The following ST8SIA1 variants were observed in gnomAD, a reference collection of about 807,000 sequenced individuals.
ST8SIA1 encodes ST8 alpha-N-acetyl-neuraminide alpha-2,8-sialyltransferase 1, also known as alpha-N-acetylneuraminide alpha-2,8-sialyltransferase.
Under a neutral mutation model 35.9 loss-of-function variants are expected in ST8SIA1, and 16 were observed. The observed-to-expected ratio is 0.45, with a 90% confidence interval of 0.30 to 0.68. ST8SIA1 has a LOEUF of 0.68. ST8SIA1 is among the 30% of genes least tolerant of loss of function. ST8SIA1 has a pLI of 0.09. For missense variants in ST8SIA1, 383 were observed against 453.6 expected (o/e 0.84, Z 1.41); for synonymous variants, 170 against 169.6 (o/e 1.00, Z -0.02).
At chr12:22,325,680 T>C in intron 1 of ST8SIA1, 1 of 605,732 alleles carries the variant, frequency 1.7e-6, no homozygotes, top group Non-Finnish European at 2.9e-6. Flanking sequence ...TATATACCGT[T>C]TTTTCCTATT....
At chr12:22,258,215 A>G (rs772673448) in intron 2 of ST8SIA1, among the ~76,000 whole-genome samples, 2 of 152,138 alleles carry the variant, frequency 1.3e-5, no homozygotes, top group Non-Finnish European at 2.9e-5. Context: ...CCATTTACCA[A>G]CATATGGAAG....
intron 1 of ST8SIA1, among the ~76,000 whole-genome samples, chr12:22,299,822 C>T (rs1483416100): frequency 6.6e-6 from 1 of 152,116 alleles, no homozygotes; most frequent in Non-Finnish European, 1.5e-5. Flanking sequence ...TACTGACACT[C>T]TCCTTCAACT....
chr12:22,292,701 C>CA (rs1317084817), intron 1 of ST8SIA1, among the ~76,000 whole-genome samples: 1 of 152,042 alleles, frequency 6.6e-6, no homozygotes, highest in Admixed American at 6.6e-5. Context: ...ACACTGGGTA[C>CA]ACAGGGACAT....
intron 4 of ST8SIA1, among the ~76,000 whole-genome samples, chr12:22,222,810 C>A (rs1486344521): frequency 2.0e-5 from 3 of 151,958 alleles, no homozygotes; most frequent in Non-Finnish European, 4.4e-5. Context: ...TATATATACA[C>A]ACATATATTT....
intron 4 of ST8SIA1, among the ~76,000 whole-genome samples, chr12:22,229,767 T>C (rs1464998382): frequency 6.6e-6 from 1 of 151,864 alleles, no homozygotes; most frequent in Non-Finnish European, 1.5e-5. Flanking sequence ...AAACATGAGG[T>C]ACCTGGGGAT....
intron 4 of ST8SIA1, among the ~76,000 whole-genome samples, chr12:22,215,275 G>A (rs1489440921): frequency 2.6e-5 from 4 of 152,070 alleles, no homozygotes; most frequent in African/African-American, 9.7e-5. Context: ...ATACTCTCTG[G>A]AAAGCCTCAT....
In ST8SIA1 at chr12:22,217,536, G is replaced by A. The variant is rs994046768; in HGVS notation, c.585-15498C>T. ...GTATTTTGAGAAGCCTGTATGTCCC[G>A]CCTTTTCCACAGGCAAACTGCACAA... On this transcript the variant is annotated intron_variant, in intron 4 of 4. Coordinates refer to ENST00000396037, the MANE Select transcript of ST8SIA1 (RefSeq NM_003034.4). Among the ~76,000 whole-genome samples the A allele has an allele frequency of 1.4e-4, 22 of 152,144 alleles. No homozygotes were observed. The East Asian group carries it at 1.9e-3, about 13-fold the overall frequency.
At chr12:22,296,197 G>A (rs375801790) in intron 1 of ST8SIA1, among the ~76,000 whole-genome samples, 6 of 152,132 alleles carry the variant, frequency 3.9e-5, no homozygotes, top group Non-Finnish European at 7.4e-5. Flanking sequence ...AGCATGGGAC[G>A]GACTGGTGTA....
At position 22,201,551 on chromosome 12, in the gene ST8SIA1, C is replaced by T. The variant is rs778316220; in HGVS notation, c.*1G>A. Reference sequence around the variant, plus strand: ...TTCAGTCCTTTCTTCTTCCATTGTTCCTAGGAAGTGGGCTGGAGTGAGGTA... The same window carrying T: ...TTCAGTCCTTTCTTCTTCCATTGTTTCTAGGAAGTGGGCTGGAGTGAGGTA... On this transcript the variant is annotated 3_prime_UTR_variant, in exon 5 of 5. Transcript: ENST00000396037. The T allele has an allele frequency of 6.3e-7, 1 of 1,599,048 alleles. No homozygotes were observed. The highest frequency in any genetic ancestry group is 8.5e-7 in the Non-Finnish European group (1 of 1,173,612).
intron 1 of ST8SIA1, among the ~76,000 whole-genome samples, chr12:22,319,806 A>T (rs1591856359): frequency 6.6e-6 from 1 of 152,234 alleles, no homozygotes; most frequent in African/African-American, 2.4e-5. Flanking sequence ...GGCATCATTC[A>T]TCATTCCCCA....
At chr12:22,286,462 C>A (rs1334600720) in intron 2 of ST8SIA1, 1 of 518,914 alleles carries the variant, frequency 1.9e-6, no homozygotes, top group East Asian at 5.5e-5. Context: ...GGCCATGATT[C>A]ATTTCTGAAT....
chr12:22,333,912 C>T (rs1866804897), intron 1 of ST8SIA1, 85 bp downstream of exon 1: 2 of 1,185,508 alleles, frequency 1.7e-6, no homozygotes, highest in Non-Finnish European at 2.5e-6. Context: ...CGAGACGGTG[C>T]AAGGCGGTCC....
In ST8SIA1 at chr12:22,214,057, A is replaced by T; in HGVS notation, c.585-12019T>A. 1.3e-5 allele frequency among the ~76,000 whole-genome samples: 2 copies of T among 152,216 alleles called. 1 individual carries two copies. The highest frequency in any genetic ancestry group is 3.9e-4 in the East Asian group (2 of 5,192). On this transcript the variant is annotated intron_variant, in intron 4 of 4. Coordinates refer to ENST00000396037, the MANE Select transcript of ST8SIA1 (RefSeq NM_003034.4). Reference sequence around the variant, plus strand: ...AAATGGTTTGAAGAGAAAGACTATTATCCAAATTTGAACATGTTGAGCCAC... The same window carrying T: ...AAATGGTTTGAAGAGAAAGACTATTTTCCAAATTTGAACATGTTGAGCCAC...
intron 1 of ST8SIA1, among the ~76,000 whole-genome samples, chr12:22,299,842 C>G (rs1012491283): frequency 6.6e-6 from 1 of 152,074 alleles, no homozygotes; most frequent in Non-Finnish European, 1.5e-5. Flanking sequence ...TCATTTTCAG[C>G]TCATATAAGG....
In ST8SIA1 at chr12:22,199,634, G is replaced by A. The variant is rs1449169104; in HGVS notation, c.*1918C>T. ...ACATTATAATCTGCACTATCAACAAGTCATATTTTAAATTCTAATTTTTAT... is the reference window on the plus strand; with the variant it reads ...ACATTATAATCTGCACTATCAACAAATCATATTTTAAATTCTAATTTTTAT... On this transcript the variant is annotated 3_prime_UTR_variant, in exon 5 of 5. Transcript: ENST00000396037. The A allele has an allele frequency of 6.6e-6, 1 of 151,984 alleles. No homozygotes were observed. Among genetic ancestry groups the A allele is most frequent in the East Asian group, 1.9e-4 (1 of 5,186 alleles). 9.4% of individuals were successfully genotyped at this position (151,984 alleles called of 1,614,324 possible).
intron 4 of ST8SIA1, among the ~76,000 whole-genome samples, chr12:22,228,904 A>G (rs1471529523): frequency 6.6e-6 from 1 of 152,022 alleles, no homozygotes; most frequent in African/African-American, 2.4e-5. Flanking sequence ...AAATACAAAA[A>G]TTAGCTGGGC....
At chr12:22,226,906 A>T (rs746828766) in intron 4 of ST8SIA1, among the ~76,000 whole-genome samples, 2 of 152,016 alleles carry the variant, frequency 1.3e-5, no homozygotes, top group African/African-American at 2.4e-5. Flanking sequence ...AAGCATGTTT[A>T]TATGCGTGTT....
chr12:22,321,167 C>T (rs2135841370), intron 1 of ST8SIA1, among the ~76,000 whole-genome samples: 1 of 152,200 alleles, frequency 6.6e-6, no homozygotes, highest in African/African-American at 2.4e-5. Context: ...TGTCCCTGAG[C>T]CATGGAGAAA....
intron 2 of ST8SIA1, among the ~76,000 whole-genome samples, chr12:22,274,584 AC>A (rs753093131): frequency 1.5e-3 from 221 of 152,328 alleles, no homozygotes; most frequent in Non-Finnish European, 2.8e-3. Flanking sequence ...CATGCCCAGA[AC>A]CAATATTGTG....
Sources: allele counts gnomAD v4.1 joint callset (sites outside exome capture counted in the v4.1 genomes callset), GRCh38; gene constraint gnomAD v4.1.1; transcripts MANE v1.5; gene names NCBI Gene and HGNC (gene_info 2026-07-23, HGNC 2026-07-21).